The following CSNK1G1 variants were observed in gnomAD, a reference collection of about 807,000 sequenced individuals.
CSNK1G1 encodes the protein casein kinase I isoform gamma-1.
In CSNK1G1, 22 loss-of-function variants were observed where a neutral mutation model predicts 59.6. The observed-to-expected ratio is 0.37, with a 90% CI of 0.26 to 0.53. The LOEUF (loss-of-function observed/expected upper bound fraction) is 0.53, where lower values mean the gene tolerates loss of function less well. Among genes scored for constraint, CSNK1G1 ranks in the 20% least tolerant of loss-of-function variants. The pLI, the probability that CSNK1G1 is intolerant of heterozygous loss-of-function variation, is 0.89. For synonymous variants in CSNK1G1, 179 were observed against 177.1 expected (o/e 1.01, Z -0.08); for missense variants, 384 against 519.5 (o/e 0.74, Z 2.54).
intron 2 of CSNK1G1, among the ~76,000 whole-genome samples, chr15:64,291,244 A>T (rs1428648469): frequency 1.3e-5 from 2 of 152,208 alleles, no homozygotes; most frequent in African/African-American, 4.8e-5. Flanking sequence ...CAAAAATTTG[A>T]TTTTAAAATG....
chr15:64,314,396 A>T (rs928559255), intron 1 of CSNK1G1, among the ~76,000 whole-genome samples: 1 of 152,028 alleles, frequency 6.6e-6, no homozygotes, highest in Non-Finnish European at 1.5e-5. Context: ...TAAGGGGTAC[A>T]AAGTAATGTT....
In CSNK1G1 at chr15:64,229,916, T is replaced by A. The variant is rs1223793698; in HGVS notation, c.293-13203A>T. On this transcript the variant is annotated intron_variant, in intron 4 of 11. Transcript: ENST00000303052. ...CATGTTTGTAAATTTTTTTTTTTTT[T>A]TTTTTTTTTTTTTTTTTTTTTTTAA... 3.7e-3 allele frequency among the ~76,000 whole-genome samples: 319 copies of A among 85,534 alleles called. 6 individuals carry two copies. The highest frequency in any genetic ancestry group is 0.013 in the African/African-American group (306 of 24,130). 56.1% of individuals were successfully genotyped at this position (85,534 alleles called of 152,430 possible).
chr15:64,170,773 T>C lies in CSNK1G1; in HGVS notation c.*1158A>G, dbSNP rs920045127. 1 of 152,588 alleles carries C rather than the reference T, an allele frequency of 6.6e-6. No individual in the cohort carries two copies. The highest frequency in any genetic ancestry group is 1.5e-5 in the Non-Finnish European group (1 of 68,030). The allele number at this position is 152,588 out of a possible 1,614,324, so 9.5% of individuals were successfully genotyped here. A position where few individuals can be genotyped will look rare whatever the true frequency, so the allele number is the denominator to read the frequency against. On this transcript the variant is annotated 3_prime_UTR_variant, in exon 12 of 12. Transcript: ENST00000303052. ...GGCAGCATGGGAAACAATTTCAATT[T>C]TTTTTTGTTAAGCATCTCCTTCTCT... is the stretch of plus-strand genomic sequence containing the variant.
Position 64,349,051 on chromosome 15 carries a change from TG to T in CSNK1G1, c.-225+6936del, listed in dbSNP as rs1316800211. Among the ~76,000 whole-genome samples, 13 of 150,326 alleles carry T rather than the reference TG, an allele frequency of 8.6e-5. No homozygotes were observed. In the East Asian group the frequency reaches 1.2e-3, roughly 14 times the overall value. Reference sequence around the variant, plus strand: ...ACTCAGGAGTCTGAGGCAAGAGAATTGCCTGAACCCGGAATGTGGAGGTTGC... The same window carrying T: ...ACTCAGGAGTCTGAGGCAAGAGAATTCCTGAACCCGGAATGTGGAGGTTGC... On this transcript the variant is annotated intron_variant, in intron 1 of 11. Coordinates refer to ENST00000303052, the MANE Select transcript of CSNK1G1 (RefSeq NM_022048.5).
At position 64,207,535 on chromosome 15, in the gene CSNK1G1, C is replaced by A. The variant is rs1362856600; in HGVS notation, c.739G>T (p.Gly247Cys). ...TTGAGTCCTTGCCAGGGGAGGCTGCCTCGAAGGAAATACATGAACATATGG... is the reference window on the plus strand; with the variant it reads ...TTGAGTCCTTGCCAGGGGAGGCTGCATCGAAGGAAATACATGAACATATGG... ...LGHMFMYFLRGSLPWQGLKAD... is the reference protein window; with the variant it reads ...LGHMFMYFLRCSLPWQGLKAD... The change falls in exon 7 of 12, where the codon GGC becomes TGC. Residue 247 changes from glycine (G) to cysteine (C), a missense_variant. By Grantham distance (159) the Gly-to-Cys change is radical (BLOSUM62 -3). Coordinates refer to ENST00000303052, the MANE Select transcript of CSNK1G1 (RefSeq NM_022048.5). The A allele has an allele frequency of 6.2e-7, 1 of 1,613,980 alleles. No individual in the cohort carries two copies. The highest frequency in any genetic ancestry group is 8.5e-7 in the Non-Finnish European group (1 of 1,179,896).
Position 64,214,098 on chromosome 15 carries a change from T to C in CSNK1G1, c.471A>G (p.Ser157=). 1 of 1,613,922 alleles carries C rather than the reference T, an allele frequency of 6.2e-7. No individual in the cohort carries two copies. The highest frequency in any genetic ancestry group is 2.2e-5 in the East Asian group (1 of 44,878). ...QLLSRMEYVH[S]KNLIYRDVKP... ...TGACATCTCGGTAAATGAGGTTCTT[T>C]GAGTGCACGTATTCCATTCGAGAAA... Residue 157 remains serine, a synonymous_variant, in exon 6 of 12, where the codon TCA becomes TCG. Transcript: ENST00000303052. This position sits in a 1 kb window ranked among gnomAD's most constrained non-coding sequence, Gnocchi z 4.3.
Position 64,318,428 on chromosome 15 carries a change from GT to G in CSNK1G1, c.-224-17706del, listed in dbSNP as rs547882444. ...GTTACCTGGTTTTCATCACTCTGAAGTTTTCTTTGCTAGTGATGCTTTGGTA... is the reference window on the plus strand; with the variant it reads ...GTTACCTGGTTTTCATCACTCTGAAGTTTCTTTGCTAGTGATGCTTTGGTA... On this transcript the variant is annotated intron_variant, in intron 1 of 11. Coordinates refer to ENST00000303052, the MANE Select transcript of CSNK1G1 (RefSeq NM_022048.5). Among the ~76,000 whole-genome samples the G allele has an allele frequency of 6.6e-5, 10 of 152,174 alleles. No individual in the cohort carries two copies. In the East Asian group the frequency reaches 1.9e-3, roughly 29 times the overall value.
chr15:64,308,409 T>C (rs916312387), intron 1 of CSNK1G1, among the ~76,000 whole-genome samples: 1 of 148,540 alleles, frequency 6.7e-6, no homozygotes, highest in East Asian at 2.0e-4. Flanking sequence ...CCACTAGTTA[T>C]ATACACATTT....
rs1419110442 is a variant in CSNK1G1, at chr15:64,213,904, G to A, written c.665C>T (p.Thr222Met). The A allele has an allele frequency of 3.7e-6, 6 of 1,611,836 alleles. No individual in the cohort carries two copies. Among genetic ancestry groups the A allele is most frequent in the African/African-American group, 1.3e-5 (1 of 74,872 alleles). ...TGTARYMSIN[T>M]HLGKEQSRRD... Reference sequence around the variant, plus strand: ...AAAAAACACACCTTTGCCAAGATGCGTGTTGATAGACATATATCTTGCAGT... The same window carrying A: ...AAAAAACACACCTTTGCCAAGATGCATGTTGATAGACATATATCTTGCAGT... The change falls in exon 6 of 12, where the codon ACG (threonine) becomes ATG (methionine). Residue 222 changes from threonine to methionine, a missense_variant. This residue lies in a region of CSNK1G1 where 325 missense variants were observed against 440.9 expected (regional missense o/e 0.74). Transcript: ENST00000303052.
intron 10 of CSNK1G1, among the ~76,000 whole-genome samples, chr15:64,190,501 G>A (rs547310986): frequency 2.0e-5 from 3 of 151,972 alleles, no homozygotes; most frequent in African/African-American, 7.3e-5. Context: ...CACAACCTCC[G>A]CCTCTCAGGT....
At chr15:64,325,368 A>T (rs1896786203) in intron 1 of CSNK1G1, among the ~76,000 whole-genome samples, 2 of 152,158 alleles carry the variant, frequency 1.3e-5, no homozygotes, top group Non-Finnish European at 2.9e-5. Context: ...AACAACTCCA[A>T]ATTCTATTAA....
intron 11 of CSNK1G1, 121 bp from the exon 12 acceptor site, chr15:64,172,106 C>T: frequency 2.4e-6 from 2 of 840,988 alleles, no homozygotes; most frequent in Non-Finnish European, 4.0e-6. Flanking sequence ...ATAGGGACCA[C>T]CCACCATCTA....
intron 2 of CSNK1G1, 72 bp downstream of exon 2, chr15:64,300,247 G>C: frequency 7.0e-7 from 1 of 1,432,966 alleles, no homozygotes; most frequent in Admixed American, 2.0e-5. Flanking sequence ...TAAACGGCTT[G>C]TCTTGAAACA....
intron 3 of CSNK1G1, 61 bp downstream of exon 3, chr15:64,259,140 T>C (rs1487860676): frequency 2.5e-5 from 35 of 1,392,002 alleles, no homozygotes; most frequent in Non-Finnish European, 3.5e-5. Flanking sequence ...CTATTTCCTA[T>C]AAAAAGATAT....
At position 64,167,691 on chromosome 15, in the gene CSNK1G1, G is replaced by C. The variant is rs2081618051; in HGVS notation, c.*4240C>G. 6.5e-6 allele frequency: 1 copy of C among 152,678 alleles called. No individual in the cohort carries two copies. Among genetic ancestry groups the C allele is most frequent in the Admixed American group, 6.5e-5 (1 of 15,290 alleles). The allele number at this position is 152,678 out of a possible 1,614,324, so 9.5% of individuals were successfully genotyped here. A position where few individuals can be genotyped will look rare whatever the true frequency, so the allele number is the denominator to read the frequency against. ...TCTGACACTGGAGACAATGTTGTTA[G>C]GGCAACTCAATGGGAATGGAGAGCT... On this transcript the variant is annotated 3_prime_UTR_variant, in exon 12 of 12. Transcript: ENST00000303052.
At chr15:64,258,101 G>C (rs1566922563) in intron 3 of CSNK1G1, among the ~76,000 whole-genome samples, 1 of 152,146 alleles carries the variant, frequency 6.6e-6, no homozygotes, top group Non-Finnish European at 1.5e-5. Context: ...AACAAGTGTG[G>C]ATGTGGTAAG....
At chr15:64,256,335 T>C (rs1345197899) in intron 3 of CSNK1G1, among the ~76,000 whole-genome samples, 1 of 152,236 alleles carries the variant, frequency 6.6e-6, no homozygotes, top group Non-Finnish European at 1.5e-5. Context: ...GAAAGCATAA[T>C]AGAAAATATT....
chr15:64,295,711 T>C (rs1181973060), intron 2 of CSNK1G1, among the ~76,000 whole-genome samples: 1 of 152,228 alleles, frequency 6.6e-6, no homozygotes, highest in Non-Finnish European at 1.5e-5. Context: ...ATCTACAAGA[T>C]GTCAACTTCT....
chr15:64,194,463 T>C (rs1200608428), intron 10 of CSNK1G1, among the ~76,000 whole-genome samples: 1 of 151,344 alleles, frequency 6.6e-6, no homozygotes, highest in African/African-American at 2.4e-5. Context: ...TCACTAAGCA[T>C]AACAGCACAA....
Sources: gnomAD v4.1 joint callset for allele counts (sites outside exome capture counted in the v4.1 genomes callset) on GRCh38, gnomAD v4.1.1 for gene constraint, gnomAD v4.1.1 regional missense constraint, Gnocchi (gnomAD v3.1) non-coding constraint, MANE v1.5 for transcripts, NCBI Gene and HGNC (gene_info 2026-07-23, HGNC 2026-07-21) for gene names.